SLX4: variants seen among roughly 807,000 people sequenced by gnomAD.
SLX4 encodes the protein SLX4 structure-specific endonuclease subunit.
A neutral mutation model predicts 146.2 loss-of-function variants in SLX4; 112 were observed. The observed-to-expected ratio is 0.77, with a 90% CI of 0.66 to 0.90. The LOEUF is 0.90. Ranked by LOEUF, SLX4 falls within the 40% of genes least tolerant of loss-of-function variation. The pLI, the probability that SLX4 is intolerant of heterozygous loss-of-function variation, is 0.00. For synonymous variants in SLX4, 1,061 were observed against 997.7 expected, an observed-to-expected ratio of 1.06 and a Z score of -1.20; for missense variants, 2,563 against 2,392.7, an observed-to-expected ratio of 1.07 and a Z score of -1.49.
chr16:3,596,439 G>A, intron 7 of SLX4, 46 bp from the exon 8 acceptor site: 8 of 1,550,116 alleles, frequency 5.2e-6, no homozygotes, highest in Non-Finnish European at 7.0e-6. Context: ...CACTGTCATT[G>A]ACGCACACAC....
rs942683559 is a variant in SLX4 at position 3,582,046 on chromosome 16, G to GA, written c.*295dup. On this transcript the variant is annotated 3_prime_UTR_variant, in exon 15 of 15. Transcript: ENST00000294008. ...TGACACAGCACGACTGTCTCAAAAA[G>GA]AAAAAAAAAAAGAAAACCAAAAAGG... The GA allele has an allele frequency of 0.068, 24,432 of 358,058 alleles. No homozygotes were observed. Among genetic ancestry groups the GA allele is most frequent in the South Asian group, 0.093 (2,595 of 27,994 alleles). 22.2% of individuals were successfully genotyped at this position (358,058 alleles called of 1,614,324 possible). A position where few individuals can be genotyped will look rare whatever the true frequency, so the allele number is the denominator to read the frequency against.
intron 5 of SLX4, among the ~76,000 whole-genome samples, chr16:3,599,124 G>C (rs888664191): frequency 6.6e-6 from 1 of 152,194 alleles, no homozygotes; most frequent in East Asian, 1.9e-4. Context: ...TGCCAAGAAA[G>C]AAACAATGGC....
intron 9 of SLX4, among the ~76,000 whole-genome samples, 162 bp from the exon 10 acceptor site, chr16:3,594,761 T>C (rs530428615): frequency 1.3e-4 from 20 of 152,320 alleles, no homozygotes; most frequent in South Asian, 1.0e-3. Context: ...CCTCAACCTC[T>C]GAGTGACCCT....
At chr16:3,599,727 C>T (rs1405721418) in intron 5 of SLX4, among the ~76,000 whole-genome samples, 2 of 152,194 alleles carry the variant, frequency 1.3e-5, no homozygotes, top group Non-Finnish European at 2.9e-5. Flanking sequence ...GCTGGGACTA[C>T]AGGTGTGCAG....
At position 3,597,492 on chromosome 16, in the gene SLX4, C is replaced by G; in HGVS notation, c.1570G>C (p.Glu524Gln). The G allele has an allele frequency of 6.2e-7, 1 of 1,614,120 alleles. No homozygotes were observed. The highest frequency in any genetic ancestry group is 8.5e-7 in the Non-Finnish European group (1 of 1,180,030). The stretch of plus-strand genomic sequence containing the variant: ...TCCCACAGAAAGCTCTGCTTGCGTT[C>G]AGGTGGAGGAGGACACTGGCCCGCT... ...ERAGQCPPPP[E>Q]RKQSFLWEGS... Residue 524 changes from glutamate to glutamine, a missense_variant, in exon 7 of 15, where the codon GAA becomes CAA. Transcript: ENST00000294008. The surrounding 1 kb of genome is among the most constrained non-coding windows in gnomAD (Gnocchi z 4.4).
Position 3,608,992 on chromosome 16 carries a change from A to G in SLX4, c.-28T>C, listed in dbSNP as rs1172853883. ...GGGTTCTTCTCTACTTCTCCATTAG[A>G]TACTTGGAGAGTTTGCACAATTGAA... is the stretch of plus-strand genomic sequence containing the variant. On this transcript the variant is annotated 5_prime_UTR_variant, in exon 2 of 15. Coordinates refer to ENST00000294008, the MANE Select transcript of SLX4 (RefSeq NM_032444.4). The G allele has an allele frequency of 3.1e-6, 5 of 1,605,232 alleles. No homozygotes were observed. The African/African-American group carries it at 6.7e-5, about 21-fold the overall frequency.
intron 9 of SLX4, 21 bp from the exon 10 acceptor site, chr16:3,594,620 G>A (rs2151128618): frequency 1.2e-6 from 2 of 1,613,754 alleles, no homozygotes. Flanking sequence ...AGGAGAGGAA[G>A]AGCCGTCACC....
chr16:3,592,436 G>C (rs2040603814), intron 11 of SLX4, among the ~76,000 whole-genome samples: 1 of 152,208 alleles, frequency 6.6e-6, no homozygotes, highest in African/African-American at 2.4e-5. Context: ...ATCACACCTA[G>C]GGGGTTAAAA....
At chr16:3,604,304 G>A (rs974134258) in intron 3 of SLX4, among the ~76,000 whole-genome samples, 1 of 151,586 alleles carries the variant, frequency 6.6e-6, no homozygotes, top group African/African-American at 2.4e-5. Flanking sequence ...ATACTGCTGA[G>A]CTACAGCAAT....
chr16:3,597,623 C>T lies in SLX4; in HGVS notation c.1439G>A (p.Gly480Asp). ...LLLVQDSETT[G>D]RQIEDRVALL... ...GGCCACACGGTCCTCTATCTGTCGGCCTGTGGTTTCAGAGTCCTGGACTAA... is the reference window on the plus strand; with the variant it reads ...GGCCACACGGTCCTCTATCTGTCGGTCTGTGGTTTCAGAGTCCTGGACTAA... The change falls in exon 7 of 15, where the codon GGC becomes GAC. Residue 480 changes from glycine to aspartate, a missense_variant. Coordinates refer to ENST00000294008, the MANE Select transcript of SLX4 (RefSeq NM_032444.4). This position sits in a 1 kb window ranked among gnomAD's most constrained non-coding sequence, Gnocchi z 4.4. 3 of 1,614,108 alleles carry T rather than the reference C, an allele frequency of 1.9e-6. No individual in the cohort carries two copies. Among genetic ancestry groups the T allele is most frequent in the Non-Finnish European group, 2.5e-6 (3 of 1,180,040 alleles).
rs1011981575 is a variant in SLX4 at position 3,608,798 on chromosome 16, G to A, written c.167C>T (p.Ala56Val). 4 of 1,614,142 alleles carry A rather than the reference G, an allele frequency of 2.5e-6. No individual in the cohort carries two copies. The highest frequency in any genetic ancestry group is 2.5e-6 in the Non-Finnish European group (3 of 1,180,044). The part of the protein sequence containing the change: ...ESDEDFKELC[A>V]SFFQRVKKHG... Reference sequence around the variant, plus strand: ...TTTTTTCACCCTTTGGAAAAAGCTAGCGCAGAGTTCTTTAAAGTCCTCATC... The same window carrying A: ...TTTTTTCACCCTTTGGAAAAAGCTAACGCAGAGTTCTTTAAAGTCCTCATC... Residue 56 changes from alanine (A) to valine (V), a missense_variant, in exon 2 of 15, where the codon GCT becomes GTT. Ala to Val is a moderately conservative substitution (Grantham distance 64). Coordinates refer to ENST00000294008, the MANE Select transcript of SLX4 (RefSeq NM_032444.4).
At chr16:3,603,253 G>T (rs145643033) in intron 3 of SLX4, among the ~76,000 whole-genome samples, 65 of 152,342 alleles carry the variant, frequency 4.3e-4, no homozygotes, top group African/African-American at 1.2e-3. Context: ...ATGTTGGCCA[G>T]GGTGGTCCTG....
chr16:3,595,029 A>G (rs1233877894), intron 9 of SLX4, among the ~76,000 whole-genome samples: 1 of 152,186 alleles, frequency 6.6e-6, no homozygotes, highest in Non-Finnish European at 1.5e-5. Flanking sequence ...CCAGTCTGTG[A>G]TGATGTCCCT....
intron 11 of SLX4, 131 bp downstream of exon 11, chr16:3,592,568 G>T (rs1218852818): frequency 9.0e-7 from 1 of 1,115,496 alleles, no homozygotes; most frequent in Non-Finnish European, 1.3e-6. Context: ...ATGGACTTGG[G>T]ATTAAAAGGT....
chr16:3,601,960 T>C (rs530836443), intron 4 of SLX4, 158 bp downstream of exon 4: 292 of 783,220 alleles, frequency 3.7e-4, no homozygotes, highest in Non-Finnish European at 5.3e-4. Context: ...GTTCTGTGAA[T>C]TGTATCTCAA....
intron 12 of SLX4, among the ~76,000 whole-genome samples, chr16:3,585,585 CA>C (rs35181087): frequency 0.36 from 32,717 of 89,958 alleles, 4,559 homozygotes; most frequent in African/African-American, 0.55. Flanking sequence ...GACTCTGTCT[CA>C]AAAAAAAAAA....
At chr16:3,599,846 A>G (rs2040706951) in intron 5 of SLX4, among the ~76,000 whole-genome samples, 1 of 152,162 alleles carries the variant, frequency 6.6e-6, no homozygotes, top group Admixed American at 6.5e-5. Context: ...CTGGCCTCCC[A>G]AAGTATTGAG....
rs1449991903 is a variant in SLX4 at position 3,606,589 on chromosome 16, C to G, written c.645G>C (p.Gln215His). 6.2e-7 allele frequency: 1 copy of G among 1,614,214 alleles called. No homozygotes were observed. Among genetic ancestry groups the G allele is most frequent in the South Asian group, 1.1e-5 (1 of 91,088 alleles). The change falls in exon 3 of 15, where the codon CAG becomes CAC. Residue 215 changes from glutamine to histidine, a missense_variant. Physicochemically the swap from Gln to His is conservative, Grantham distance 24 (BLOSUM62 0). Coordinates refer to ENST00000294008, the MANE Select transcript of SLX4 (RefSeq NM_032444.4). ...TAQLVLQRMQ[Q>H]FKRADPERLR... is the part of the protein sequence containing the mutation. ...AACGCTCGGGGTCTGCTCTCTTGAA[C>G]TGCTGCATTCGCTGTAGGACCAATT...
rs367562934 is a variant in SLX4 at position 3,589,635 on chromosome 16, C to T, written c.4003G>A (p.Gly1335Ser). The T allele has an allele frequency of 2.0e-5, 32 of 1,613,978 alleles. No homozygotes were observed. In the African/African-American group the frequency reaches 3.2e-4, roughly 16 times the overall value. ...GGGCTTCTGTGGCCTTGCCTTCTGC[C>T]GTCAGAAGTTCCTGGAGAGACGGGA... is the stretch of plus-strand genomic sequence containing the variant. ...LTPVSPGTSD[G>S]RRQGHRSPSR... The change falls in exon 12 of 15, where the codon GGC (glycine) becomes AGC (serine). Residue 1335 changes from glycine (G) to serine (S), a missense_variant. Gly to Ser is a moderately conservative substitution (Grantham distance 56). Coordinates refer to ENST00000294008, the MANE Select transcript of SLX4 (RefSeq NM_032444.4). The surrounding 1 kb of genome is among the most constrained non-coding windows in gnomAD (Gnocchi z 6.2).
Sources: allele counts gnomAD v4.1 joint callset (sites outside exome capture counted in the v4.1 genomes callset), GRCh38; gene constraint gnomAD v4.1.1; non-coding constraint Gnocchi (gnomAD v3.1); transcripts MANE v1.5; gene names NCBI Gene and HGNC (gene_info 2026-07-23, HGNC 2026-07-21).